The following MTUS2 variants were observed in gnomAD, a reference collection of about 807,000 sequenced individuals.
MTUS2 encodes the protein microtubule-associated tumor suppressor candidate 2.
In MTUS2, 40 loss-of-function variants were observed where a neutral mutation model predicts 114.1. That is an observed-to-expected ratio of 0.35 (90% CI 0.27 to 0.46). The LOEUF (loss-of-function observed/expected upper bound fraction) is 0.46. MTUS2 is among the 20% of genes least tolerant of loss of function. The probability of loss-of-function intolerance (pLI) is 1.00; values close to 1 mark genes in which losing one functional copy is unlikely to be tolerated. For synonymous variants in MTUS2, 688 were observed against 672.0 expected (o/e 1.02, Z -0.37); for missense variants, 1,679 against 1,705.4 (o/e 0.98, Z 0.27).
intron 2 of MTUS2, among the ~76,000 whole-genome samples, chr13:28,949,662 A>G (rs1244843568): frequency 6.6e-6 from 1 of 152,148 alleles, no homozygotes; most frequent in East Asian, 1.9e-4. Context: ...CTCTGTCTCT[A>G]TGAATATGAC....
intron 5 of MTUS2, among the ~76,000 whole-genome samples, chr13:29,213,841 A>G (rs1210624226): frequency 1.4e-4 from 21 of 152,028 alleles, no homozygotes. Flanking sequence ...TAAATCTACC[A>G]TCTTGCTATA....
intron 2 of MTUS2, among the ~76,000 whole-genome samples, chr13:28,919,315 T>C (rs1006893262): frequency 6.6e-6 from 1 of 152,148 alleles, no homozygotes. Context: ...TCTTCTGCTT[T>C]TTTGGTGGAT....
At chr13:28,902,975 C>T (rs1879735696) in intron 2 of MTUS2, among the ~76,000 whole-genome samples, 2 of 152,016 alleles carry the variant, frequency 1.3e-5, no homozygotes, top group Admixed American at 1.3e-4. Context: ...GAGGTTTTTA[C>T]CTGATGAATT....
intron 4 of MTUS2, among the ~76,000 whole-genome samples, chr13:29,052,068 C>T (rs952591942): frequency 5.3e-5 from 8 of 152,088 alleles, no homozygotes; most frequent in African/African-American, 1.4e-4. Context: ...CAAATGTGTT[C>T]GGGGTCACAA....
intron 1 of MTUS2, among the ~76,000 whole-genome samples, chr13:28,826,526 G>T (rs946574101): frequency 3.3e-5 from 5 of 152,120 alleles, no homozygotes; most frequent in African/African-American, 1.2e-4. Flanking sequence ...AGTTCCCATA[G>T]AAAAACAAAA....
chr13:29,003,423 G>C (rs1348645040), intron 2 of MTUS2, among the ~76,000 whole-genome samples: 2 of 152,182 alleles, frequency 1.3e-5, no homozygotes, highest in Non-Finnish European at 2.9e-5. Context: ...TCAGCTTATA[G>C]TCTTGAATTC....
intron 8 of MTUS2, among the ~76,000 whole-genome samples, chr13:29,377,116 TGA>T (rs1406749419): frequency 1.3e-5 from 2 of 152,122 alleles, no homozygotes; most frequent in Non-Finnish European, 2.9e-5. Context: ...AAGCAAAAAC[TGA>T]GAGAACTGAA....
chr13:29,423,940 C>T (rs1454768105), intron 8 of MTUS2, among the ~76,000 whole-genome samples: 4 of 151,626 alleles, frequency 2.6e-5, no homozygotes, highest in South Asian at 2.1e-4. Flanking sequence ...TCTCGGCTCA[C>T]GGCAACCTCG....
chr13:28,923,086 G>A (rs1881138203), intron 2 of MTUS2, among the ~76,000 whole-genome samples: 1 of 152,016 alleles, frequency 6.6e-6, no homozygotes, highest in Admixed American at 6.6e-5. Context: ...TTGTTCTAAA[G>A]TTTATGTATT....
chr13:29,131,903 C>T (rs567733756), intron 5 of MTUS2, among the ~76,000 whole-genome samples: 8 of 152,350 alleles, frequency 5.3e-5, no homozygotes, highest in African/African-American at 1.2e-4. Flanking sequence ...TGAATCCTTA[C>T]GTGTTGTGGT....
intron 2 of MTUS2, among the ~76,000 whole-genome samples, chr13:28,981,910 G>T (rs368118967): frequency 6.6e-6 from 1 of 152,158 alleles, no homozygotes; most frequent in African/African-American, 2.4e-5. Flanking sequence ...ATCTGGTTCC[G>T]TTTCACCTGG....
intron 5 of MTUS2, among the ~76,000 whole-genome samples, chr13:29,238,919 CAG>C (rs1186474583): frequency 6.6e-6 from 1 of 152,088 alleles, no homozygotes; most frequent in Admixed American, 6.5e-5. Flanking sequence ...CTCATGGAAG[CAG>C]AGAGTGGAAT....
rs186770665 is a variant in MTUS2 at position 29,298,123 on chromosome 13, T to C, written c.2806+16258T>C. On this transcript the variant is annotated intron_variant, in intron 6 of 15. Coordinates refer to ENST00000612955, the MANE Select transcript of MTUS2 (RefSeq NM_001033602.4). ...TGCACTGTTGTAGCAAATAGGAAAA[T>C]ACTTGCAGCTGCAAATATTGATTTG... 3.3e-5 allele frequency among the ~76,000 whole-genome samples: 5 copies of C among 152,328 alleles called. No individual in the cohort carries two copies. The East Asian group carries it at 9.6e-4, about 29-fold the overall frequency.
At chr13:29,228,403 C>T (rs541969021) in intron 5 of MTUS2, among the ~76,000 whole-genome samples, 5 of 152,314 alleles carry the variant, frequency 3.3e-5, no homozygotes, top group East Asian at 1.9e-4. Context: ...TCACTGCAGC[C>T]ACAACCTCCT....
chr13:29,197,960 C>T (rs1313189664), intron 5 of MTUS2, among the ~76,000 whole-genome samples: 2 of 152,134 alleles, frequency 1.3e-5, no homozygotes, highest in Middle Eastern at 6.3e-3. Flanking sequence ...AGCCCTTTGT[C>T]AGATAAATAG....
At chr13:28,932,027 A>C (rs1365277988) in intron 2 of MTUS2, among the ~76,000 whole-genome samples, 4 of 152,206 alleles carry the variant, frequency 2.6e-5, no homozygotes, top group African/African-American at 9.6e-5. Flanking sequence ...TGTGGTGAAT[A>C]TGCATACATT....
chr13:29,130,838 A>G (rs1251097432), intron 5 of MTUS2, among the ~76,000 whole-genome samples: 2 of 152,080 alleles, frequency 1.3e-5, no homozygotes, highest in Non-Finnish European at 2.9e-5. Flanking sequence ...GTTGGCCAGG[A>G]TGGTCTCAAT....
intron 2 of MTUS2, among the ~76,000 whole-genome samples, chr13:28,894,288 GGGAGA>G (rs1879107853): frequency 4.8e-5 from 1 of 20,920 alleles, no homozygotes; most frequent in African/African-American, 2.9e-4. Flanking sequence ...GTGGGGGGGG[GGGAGA>G]GAGAGAGAGA....
At chr13:29,098,377 G>A (rs1890264584) in intron 4 of MTUS2, among the ~76,000 whole-genome samples, 1 of 152,132 alleles carries the variant, frequency 6.6e-6, no homozygotes, top group African/African-American at 2.4e-5. Context: ...GTATGATATA[G>A]GTACCATTAG....
Sources: allele counts gnomAD v4.1 joint callset (sites outside exome capture counted in the v4.1 genomes callset), GRCh38; gene constraint gnomAD v4.1.1; transcripts MANE v1.5; gene names NCBI Gene and HGNC (gene_info 2026-07-23, HGNC 2026-07-21).